RAD51B: variants seen among roughly 807,000 people sequenced by gnomAD.
The protein encoded by RAD51B is DNA repair protein RAD51 homolog 2.
RAD51B carries 38 observed loss-of-function variants against 42.2 expected under a neutral mutation model. The observed-to-expected ratio is 0.90, with a 90% CI of 0.70 to 1.18. RAD51B has a LOEUF of 1.18. Ranked by LOEUF, RAD51B falls within the 50% of genes most tolerant of loss-of-function variation. The pLI is 0.00. For missense variants in RAD51B, 373 were observed against 400.7 expected (o/e 0.93, Z 0.59); for synonymous variants, 154 against 145.2 (o/e 1.06, Z -0.43).
chr14:68,563,882 C>A (rs1229919077), intron 10 of RAD51B: 5 of 985,374 alleles, frequency 5.1e-6, no homozygotes, highest in Non-Finnish European at 6.0e-6. Context: ...CTGTGCTCTG[C>A]AGCCTTGAGT....
At chr14:68,323,804 C>T (rs913242154) in intron 8 of RAD51B, among the ~76,000 whole-genome samples, 1 of 152,142 alleles carries the variant, frequency 6.6e-6, no homozygotes, top group African/African-American at 2.4e-5. Flanking sequence ...GAAGCCCAGC[C>T]CTGCATCAGA....
intron 10 of RAD51B, among the ~76,000 whole-genome samples, chr14:68,554,415 A>G (rs1888725181): frequency 6.6e-6 from 1 of 152,182 alleles, no homozygotes; most frequent in Non-Finnish European, 1.5e-5. Context: ...GACCTCACAC[A>G]GTCCTCCTGC....
At chr14:68,454,679 G>T (rs1478548868) in intron 9 of RAD51B, among the ~76,000 whole-genome samples, 1 of 152,206 alleles carries the variant, frequency 6.6e-6, no homozygotes, top group Admixed American at 6.5e-5. Context: ...TCCATTCTCA[G>T]GGCTTGTCTT....
At chr14:67,974,234 G>C (rs1329774956) in intron 7 of RAD51B, among the ~76,000 whole-genome samples, 1 of 152,040 alleles carries the variant, frequency 6.6e-6, no homozygotes, top group Non-Finnish European at 1.5e-5. Context: ...ATGGGACCAG[G>C]CTAAATTTTA....
chr14:68,204,975 C>A (rs1015105197), intron 7 of RAD51B, among the ~76,000 whole-genome samples: 6 of 151,766 alleles, frequency 4.0e-5, no homozygotes, highest in African/African-American at 1.2e-4. Context: ...TAGTATGGTC[C>A]CCATTTTGGG....
In RAD51B at chr14:68,477,892, C is replaced by T. The variant is rs560043654; in HGVS notation, c.*228C>T. On this transcript the variant is annotated 3_prime_UTR_variant, in exon 11 of 11. Transcript: ENST00000471583. Reference sequence around the variant, plus strand: ...TGTTCAGGTCTCTAGATGTGTAGGGCTGAGGGCTTTGCCGCCATGGGATGT... The same window carrying T: ...TGTTCAGGTCTCTAGATGTGTAGGGTTGAGGGCTTTGCCGCCATGGGATGT... The T allele has an allele frequency of 9.7e-6, 13 of 1,333,486 alleles. No homozygotes were observed. The highest frequency in any genetic ancestry group is 7.0e-5 in the Admixed American group (2 of 28,560). The allele number at this position is 1,333,486 out of a possible 1,614,324, so 82.6% of individuals were successfully genotyped here.
intron 10 of RAD51B, among the ~76,000 whole-genome samples, chr14:68,555,439 A>G (rs1392377089): frequency 1.3e-5 from 2 of 152,108 alleles, no homozygotes; most frequent in Non-Finnish European, 2.9e-5. Flanking sequence ...GGGACACATG[A>G]TCTTGGAGGG....
At chr14:68,019,658 T>C (rs371662463) in intron 7 of RAD51B, among the ~76,000 whole-genome samples, 3 of 152,284 alleles carry the variant, frequency 2.0e-5, no homozygotes, top group African/African-American at 4.8e-5. Flanking sequence ...GATTTTGGTA[T>C]ATGTGGTGCA....
Position 68,415,502 on chromosome 14 carries a change from C to G in RAD51B, c.957+3975C>G, listed in dbSNP as rs80199227. ...AAAACAGGTAAGAGATGGTTGATAC[C>G]CTCTGGTTGTTCACAGTCTACTTGA... On this transcript the variant is annotated intron_variant, in intron 9 of 10. Transcript: ENST00000471583. 9.5e-3 allele frequency among the ~76,000 whole-genome samples: 1,447 copies of G among 152,232 alleles called. 22 individuals carry two copies. Among genetic ancestry groups the G allele is most frequent in the African/African-American group, 0.032 (1,342 of 41,534 alleles).
At position 68,619,290 on chromosome 14, in the gene RAD51B, C is replaced by T. The variant is rs547657609; in HGVS notation, c.1037-31491C>T. Among the ~76,000 whole-genome samples the T allele has an allele frequency of 1.4e-3, 216 of 151,356 alleles. 1 individual carries two copies. Among genetic ancestry groups the T allele is most frequent in the Middle Eastern group, 6.8e-3 (2 of 294 alleles). ...GAGATCGAGACCATCCTCGCTAACACGGTGAAACCCCATCTCTACTAAAAA... is the reference window on the plus strand; with the variant it reads ...GAGATCGAGACCATCCTCGCTAACATGGTGAAACCCCATCTCTACTAAAAA... On this transcript the variant is annotated intron_variant, in intron 10 of 11. Coordinates refer to the RAD51B transcript ENST00000488612.
At chr14:68,594,304 C>T (rs946201884) in intron 10 of RAD51B, among the ~76,000 whole-genome samples, 3 of 152,222 alleles carry the variant, frequency 2.0e-5, no homozygotes, top group Non-Finnish European at 2.9e-5. Flanking sequence ...TGTGCACACA[C>T]GAATACTTCT....
intron 11 of RAD51B, among the ~76,000 whole-genome samples, chr14:68,660,613 C>G (rs1265320386): frequency 2.0e-5 from 3 of 152,202 alleles, no homozygotes; most frequent in Non-Finnish European, 2.9e-5. Context: ...AGACACTGCT[C>G]CTGCCCTCAG....
chr14:68,477,964 G>C lies in RAD51B; in HGVS notation c.*300G>C. 1 of 1,177,802 alleles carries C rather than the reference G, an allele frequency of 8.5e-7. No homozygotes were observed. Among genetic ancestry groups the C allele is most frequent in the Non-Finnish European group, 1.0e-6 (1 of 953,216 alleles). 73.0% of individuals were successfully genotyped at this position (1,177,802 alleles called of 1,614,324 possible). ...GCACTTATATAGCACCTTTCAACCA[G>C]GCACCTCAAAGCGGTTTAACCACAT... On this transcript the variant is annotated 3_prime_UTR_variant, in exon 11 of 11. Coordinates refer to ENST00000471583, the MANE Select transcript of RAD51B (RefSeq NM_133510.4).
At chr14:68,191,053 C>G (rs1421170291) in intron 7 of RAD51B, among the ~76,000 whole-genome samples, 1 of 151,840 alleles carries the variant, frequency 6.6e-6, no homozygotes, top group Non-Finnish European at 1.5e-5. Context: ...AAAAAAGAGA[C>G]AATATCCTTT....
At chr14:67,884,045 C>T (rs1182679515) in intron 5 of RAD51B, among the ~76,000 whole-genome samples, 1 of 152,084 alleles carries the variant, frequency 6.6e-6, no homozygotes, top group East Asian at 1.9e-4. Flanking sequence ...CAAGAAGTTA[C>T]TAGGATGAAT....
At chr14:68,196,030 ACT>A (rs1176324496) in intron 7 of RAD51B, among the ~76,000 whole-genome samples, 1 of 150,632 alleles carries the variant, frequency 6.6e-6, no homozygotes. Flanking sequence ...AAGGTGAAAC[ACT>A]CTCTACTAAA....
intron 7 of RAD51B, among the ~76,000 whole-genome samples, chr14:68,280,913 C>T (rs998578303): frequency 1.3e-5 from 2 of 151,816 alleles, no homozygotes; most frequent in African/African-American, 2.4e-5. Context: ...AAACATTGGC[C>T]GGGTGTGGTG....
At position 68,209,124 on chromosome 14, in the gene RAD51B, C is replaced by T. The variant is rs117149455; in HGVS notation, c.757-82760C>T. On this transcript the variant is annotated intron_variant, in intron 7 of 10. Transcript: ENST00000471583. ...GAAGATTTTGTCATCCTTCACATTG[C>T]AAGACTTGAAGACTTGCAACTCAAA... Among the ~76,000 whole-genome samples, 1,238 of 152,306 alleles carry T rather than the reference C, an allele frequency of 8.1e-3. 4 individuals are homozygous for T. Among genetic ancestry groups the T allele is most frequent in the Non-Finnish European group, 0.011 (725 of 68,026 alleles).
At position 68,469,110 on chromosome 14, in the gene RAD51B, AC is replaced by A. The variant is rs35868910; in HGVS notation, c.1036+861del. On this transcript the variant is annotated intron_variant, in intron 10 of 10. Coordinates refer to ENST00000471583, the MANE Select transcript of RAD51B (RefSeq NM_133510.4). ...TGCTGTGGGGCAGGAGACCCCAACC[AC>A]AGAGATGCTTAGGTGAATATCTGGC... 7.8e-3 allele frequency: 4,027 copies of A among 514,890 alleles called. 118 individuals are homozygous for A. The highest frequency in any genetic ancestry group is 0.068 in the African/African-American group (3,542 of 52,008). The allele number at this position is 514,890 out of a possible 1,614,324, so 31.9% of individuals were successfully genotyped here.
Sources: gnomAD v4.1 joint callset for allele counts (sites outside exome capture counted in the v4.1 genomes callset) on GRCh38, gnomAD v4.1.1 for gene constraint, MANE v1.5 for transcripts, NCBI Gene and HGNC (gene_info 2026-07-23, HGNC 2026-07-21) for gene names.